Variants in ZFHX3 observed in about 807,000 individuals in gnomAD.
ZFHX3 encodes the protein zinc finger homeobox 3.
A neutral mutation model predicts 279.1 loss-of-function variants in ZFHX3; 42 were observed. That is an observed-to-expected ratio of 0.15 (90% CI 0.12 to 0.19). ZFHX3 has a LOEUF of 0.19. Among genes scored for constraint, ZFHX3 ranks in the 10% least tolerant of loss-of-function variants. The pLI is 1.00. For missense variants in ZFHX3, 4,981 were observed against 4,754.0 expected, an observed-to-expected ratio of 1.05 and a Z score of -1.40; for synonymous variants, 2,293 against 1,957.8, an observed-to-expected ratio of 1.17 and a Z score of -4.52.
At chr16:73,647,430 G>A (rs142520631) in intron 2 of ZFHX3, among the ~76,000 whole-genome samples, 54 of 152,178 alleles carry the variant, frequency 3.5e-4, no homozygotes, top group Non-Finnish European at 4.4e-5. Flanking sequence ...GTGAGTTCTC[G>A]TCAGATCTGA....
chr16:73,676,211 TG>T (rs951874542), intron 2 of ZFHX3, among the ~76,000 whole-genome samples: 1 of 152,016 alleles, frequency 6.6e-6, no homozygotes, highest in Non-Finnish European at 1.5e-5. Flanking sequence ...CTATTATTTT[TG>T]ACTATAAATT....
At chr16:73,192,408 C>A (rs1052094957) in intron 5 of ZFHX3, among the ~76,000 whole-genome samples, 2 of 152,154 alleles carry the variant, frequency 1.3e-5, no homozygotes, top group Non-Finnish European at 2.9e-5. Context: ...GACTTCTCCC[C>A]TCCCCGGGAC....
intron 5 of ZFHX3, among the ~76,000 whole-genome samples, chr16:73,206,308 T>C (rs1425487940): frequency 6.6e-6 from 1 of 152,204 alleles, no homozygotes; most frequent in East Asian, 1.9e-4. Context: ...TTCAAGATCT[T>C]GCTGTGCCCC....
intron 3 of ZFHX3, among the ~76,000 whole-genome samples, chr16:73,334,456 C>G (rs1015991092): frequency 6.6e-6 from 1 of 152,160 alleles, no homozygotes; most frequent in Non-Finnish European, 1.5e-5. Context: ...ATGAAATGCA[C>G]TTTTGCCTCC....
intron 1 of ZFHX3, among the ~76,000 whole-genome samples, chr16:73,761,570 C>T (rs2053867001): frequency 1.3e-5 from 2 of 152,132 alleles, no homozygotes; most frequent in Admixed American, 1.3e-4. Flanking sequence ...GTCATGCTAC[C>T]TGACTTCAAA....
At chr16:73,390,949 G>A (rs1045590162) in intron 3 of ZFHX3, among the ~76,000 whole-genome samples, 5 of 151,688 alleles carry the variant, frequency 3.3e-5, no homozygotes, top group African/African-American at 1.2e-4. Flanking sequence ...GACATTAAAG[G>A]CCCGAGAATA....
intron 3 of ZFHX3, among the ~76,000 whole-genome samples, chr16:73,453,192 C>T (rs146706607): frequency 1.1e-4 from 17 of 152,304 alleles, no homozygotes; most frequent in African/African-American, 3.4e-4. Context: ...ACTGGGTTGT[C>T]GGTTGGCCCT....
chr16:73,202,263 AC>A (rs886998587), intron 5 of ZFHX3, among the ~76,000 whole-genome samples: 3 of 152,174 alleles, frequency 2.0e-5, no homozygotes, highest in Non-Finnish European at 4.4e-5. Flanking sequence ...TAGAATGAAC[AC>A]CATTAAAAGA....
intron 2 of ZFHX3, among the ~76,000 whole-genome samples, chr16:73,631,502 G>T (rs900718939): frequency 2.0e-5 from 3 of 152,058 alleles, no homozygotes; most frequent in Non-Finnish European, 2.9e-5. Flanking sequence ...ACAAATCTAT[G>T]CACACAATTG....
At chr16:73,018,011 G>A (rs1318865526) in intron 1 of ZFHX3, among the ~76,000 whole-genome samples, 1 of 150,578 alleles carries the variant, frequency 6.6e-6, no homozygotes, top group Non-Finnish European at 1.5e-5. Context: ...TTTGAGACAG[G>A]GTCTTGCTCT....
At chr16:72,835,442 G>GT (rs1056766803) in intron 4 of ZFHX3, among the ~76,000 whole-genome samples, 2 of 152,058 alleles carry the variant, frequency 1.3e-5, no homozygotes, top group African/African-American at 4.8e-5. Flanking sequence ...AAAGCCTTTT[G>GT]TTAAAAGCTC....
At chr16:73,399,576 G>A (rs139914091) in intron 3 of ZFHX3, among the ~76,000 whole-genome samples, 2 of 152,236 alleles carry the variant, frequency 1.3e-5, no homozygotes, top group Non-Finnish European at 2.9e-5. Context: ...GGGTTGATGA[G>A]TTTATTCAGG....
At chr16:73,524,791 G>C (rs2019664611) in intron 2 of ZFHX3, among the ~76,000 whole-genome samples, 1 of 152,228 alleles carries the variant, frequency 6.6e-6, no homozygotes, top group African/African-American at 2.4e-5. Context: ...TCTGCCTTCA[G>C]AGTCATCTGT....
chr16:73,756,438 C>G (rs1170967601), intron 1 of ZFHX3, among the ~76,000 whole-genome samples: 2 of 152,112 alleles, frequency 1.3e-5, no homozygotes, highest in African/African-American at 2.4e-5. Flanking sequence ...CGTGCCGGGC[C>G]TGAGATCATT....
At chr16:72,910,626 G>T (rs1329479735) in intron 3 of ZFHX3, among the ~76,000 whole-genome samples, 1 of 152,178 alleles carries the variant, frequency 6.6e-6, no homozygotes, top group Non-Finnish European at 1.5e-5. Flanking sequence ...TCTGTTTAAT[G>T]GACACAGGAG....
intron 2 of ZFHX3, among the ~76,000 whole-genome samples, chr16:73,512,034 C>A (rs1319500043): frequency 1.3e-5 from 2 of 152,056 alleles, no homozygotes; most frequent in African/African-American, 4.8e-5. Flanking sequence ...GGTTAGATCT[C>A]AGGACGACTC....
intron 1 of ZFHX3, among the ~76,000 whole-genome samples, chr16:73,013,272 G>A (rs375337477): frequency 5.3e-5 from 8 of 152,206 alleles, no homozygotes; most frequent in African/African-American, 1.9e-4. Flanking sequence ...GGACCCATGT[G>A]AAAACTCTTT....
At chr16:73,273,048 AG>A (rs2014194710) in intron 4 of ZFHX3, among the ~76,000 whole-genome samples, 1 of 152,096 alleles carries the variant, frequency 6.6e-6, no homozygotes, top group African/African-American at 2.4e-5. Context: ...TGCCCAGCCA[AG>A]GGTGTCTTTT....
intron 1 of ZFHX3, among the ~76,000 whole-genome samples, chr16:73,778,162 C>A (rs1959323083): frequency 7.1e-6 from 1 of 140,318 alleles, no homozygotes; most frequent in South Asian, 2.3e-4. Flanking sequence ...AATGGCTATA[C>A]CAATAATTCT....
Sources: allele counts gnomAD v4.1 joint callset (sites outside exome capture counted in the v4.1 genomes callset), GRCh38; gene constraint gnomAD v4.1.1; transcripts MANE v1.5; gene names NCBI Gene and HGNC (gene_info 2026-07-23, HGNC 2026-07-21).